Variants in MLIP observed in about 807,000 individuals in gnomAD.
The protein encoded by MLIP is muscular LMNA interacting protein, also known as muscular LMNA-interacting protein.
Under a neutral mutation model 84.8 loss-of-function variants are expected in MLIP, and 79 were observed. That is an observed-to-expected ratio of 0.93 (90% CI 0.78 to 1.12). MLIP has a LOEUF of 1.12. MLIP is among the 50% of genes most tolerant of loss of function. MLIP has a pLI of 0.00. For synonymous variants in MLIP, 504 were observed against 463.0 expected (o/e 1.09, Z -1.14); for missense variants, 1,257 against 1,160.6 (o/e 1.08, Z -1.21).
chr6:54,253,258 C>A (rs1481349278), intron 12 of MLIP, among the ~76,000 whole-genome samples: 1 of 152,100 alleles, frequency 6.6e-6, no homozygotes, highest in African/African-American at 2.4e-5. Flanking sequence ...GAAGGTTATG[C>A]TCTGTCTTAG....
At chr6:54,109,663 C>T (rs1416725136), upstream of MLIP, among the ~76,000 whole-genome samples, 1 of 152,088 alleles carries the variant, frequency 6.6e-6, no homozygotes, top group Non-Finnish European at 1.5e-5. Context: ...TTACTGCCCT[C>T]CAGGTGGCTG....
chr6:54,167,689 C>T (rs999679648), intron 8 of MLIP, among the ~76,000 whole-genome samples: 3 of 151,708 alleles, frequency 2.0e-5, no homozygotes, highest in Admixed American at 6.6e-5. Flanking sequence ...ATGATATTAC[C>T]TTTTATAGAA....
chr6:54,096,519 G>A (rs945795394), intron 1 of MLIP, among the ~76,000 whole-genome samples: 1 of 152,040 alleles, frequency 6.6e-6, no homozygotes, highest in African/African-American at 2.4e-5. Context: ...GTACCTTCTC[G>A]GGGAAGCCCA....
chr6:54,070,973 A>AT (rs747471782), intron 1 of MLIP, among the ~76,000 whole-genome samples: 13 of 152,274 alleles, frequency 8.5e-5, no homozygotes, highest in Non-Finnish European at 1.9e-4. Flanking sequence ...AAAACAAAAC[A>AT]TAATATATTT....
rs1778732354 is a variant in MLIP, at chr6:54,202,192, A to G, written c.2677A>G (p.Ser893Gly). 2 of 1,592,430 alleles carry G rather than the reference A, an allele frequency of 1.3e-6. No homozygotes were observed. Among genetic ancestry groups the G allele is most frequent in the Non-Finnish European group, 1.7e-6 (2 of 1,168,872 alleles). ...GGAAGTCTATGAACCCAACCCTTTC[A>G]GTAAATACTTGGAAGATAACAGCGA... ...EEEVYEPNPF[S>G]KYLEDNSDLF... The change falls in exon 11 of 14, where the codon AGT becomes GGT. Residue 893 changes from serine to glycine, a missense_variant. Transcript: ENST00000502396.
intron 1 of MLIP, among the ~76,000 whole-genome samples, chr6:54,034,774 G>T (rs114541201): frequency 6.6e-6 from 1 of 152,072 alleles, no homozygotes; most frequent in South Asian, 2.1e-4. Flanking sequence ...TAGCTTAAGT[G>T]CACAGTGTTT....
chr6:54,100,675 T>C (rs1288015600), intron 1 of MLIP, among the ~76,000 whole-genome samples: 1 of 152,156 alleles, frequency 6.6e-6, no homozygotes, highest in Non-Finnish European at 1.5e-5. Context: ...AGCACTGTCT[T>C]ATTTTCTCTG....
chr6:54,108,901 GAAT>G (rs575898895), upstream of MLIP, among the ~76,000 whole-genome samples: 444 of 152,058 alleles, frequency 2.9e-3, 2 homozygotes, highest in African/African-American at 0.01. Context: ...AATCCACCTG[GAAT>G]AAACTGATTG....
At chr6:54,038,283 A>G (rs1386168411) in intron 1 of MLIP, among the ~76,000 whole-genome samples, 1 of 151,972 alleles carries the variant, frequency 6.6e-6, no homozygotes, top group African/African-American at 2.4e-5. Context: ...GAGATTTTTA[A>G]GACTGGGAAA....
At chr6:54,071,464 T>C (rs904973044) in intron 1 of MLIP, among the ~76,000 whole-genome samples, 2 of 152,200 alleles carry the variant, frequency 1.3e-5, no homozygotes, top group Non-Finnish European at 2.9e-5. Flanking sequence ...TCTTGAGACA[T>C]ATGATAAATC....
intron 1 of MLIP, among the ~76,000 whole-genome samples, chr6:54,089,543 T>C (rs984077138): frequency 6.6e-6 from 1 of 152,132 alleles, no homozygotes; most frequent in African/African-American, 2.4e-5. Flanking sequence ...ATGGATGGCT[T>C]ATATGACATA....
intron 1 of MLIP, among the ~76,000 whole-genome samples, chr6:54,030,338 G>A (rs906672712): frequency 4.6e-5 from 7 of 152,090 alleles, no homozygotes; most frequent in African/African-American, 1.7e-4. Context: ...AAATTGTGAG[G>A]TACAAATAAT....
chr6:54,202,479 T>C (rs1778760240), intron 11 of MLIP, among the ~76,000 whole-genome samples: 1 of 151,502 alleles, frequency 6.6e-6, no homozygotes, highest in African/African-American at 2.4e-5. Flanking sequence ...TTTTTTTTTT[T>C]TCTAAAACTT....
At chr6:54,131,876 G>T (rs1055135899) in intron 3 of MLIP, among the ~76,000 whole-genome samples, 2 of 152,132 alleles carry the variant, frequency 1.3e-5, no homozygotes, top group African/African-American at 4.8e-5. Context: ...TGCAGATATG[G>T]GCTGGATTCA....
rs1048555310 is a variant in MLIP at position 54,214,136 on chromosome 6, T to C, written c.2718+11903T>C. Among the ~76,000 whole-genome samples the C allele has an allele frequency of 2.6e-5, 4 of 152,228 alleles. No homozygotes were observed. In the East Asian group the frequency reaches 7.7e-4, roughly 29 times the overall value. On this transcript the variant is annotated intron_variant, in intron 11 of 13. Coordinates refer to ENST00000502396, the MANE Select transcript of MLIP (RefSeq NM_001281747.2). Reference sequence around the variant, plus strand: ...ACCATTCTTTGAAATGGAACAACTCTTAGGCTCAGAGCATCTCTTGCAGTT... The same window carrying C: ...ACCATTCTTTGAAATGGAACAACTCCTAGGCTCAGAGCATCTCTTGCAGTT...
chr6:54,070,333 TC>T (rs778366143), intron 1 of MLIP, among the ~76,000 whole-genome samples: 10 of 151,926 alleles, frequency 6.6e-5, no homozygotes, highest in East Asian at 1.9e-4. Context: ...TTTCCCCACC[TC>T]CCCCCCATGT....
At chr6:54,257,248 A>T in intron 12 of MLIP, 60 bp from the exon 13 acceptor site, 4 of 1,197,976 alleles carry the variant, frequency 3.3e-6, no homozygotes, top group Middle Eastern at 1.9e-4. Context: ...ATGAAATTTT[A>T]ACATTTATTT....
intron 1 of MLIP, among the ~76,000 whole-genome samples, chr6:54,090,866 A>G (rs1767824670): frequency 6.6e-6 from 1 of 152,276 alleles, no homozygotes; most frequent in Admixed American, 6.5e-5. Flanking sequence ...AATGTAGGGG[A>G]CAAAGTGACT....
Position 54,136,781 on chromosome 6 carries a change from C to G in MLIP, c.712C>G (p.Pro238Ala), listed in dbSNP as rs1324318266. The change falls in exon 4 of 14, where the codon CCA becomes GCA. Residue 238 changes from proline to alanine, a missense_variant. Pro to Ala is a conservative substitution (Grantham distance 27). Transcript: ENST00000502396. ...ACCACCTGCTTTCTCCTTTGTTTCT[C>G]CAACTAATCCGAACACACCACCCGA... is the stretch of plus-strand genomic sequence containing the variant. ...CKPPAFSFVS[P>A]TNPNTPPDPV... is the part of the protein sequence containing the mutation. The G allele has an allele frequency of 3.9e-6, 6 of 1,521,476 alleles. No homozygotes were observed. The highest frequency in any genetic ancestry group is 5.3e-6 in the Non-Finnish European group (6 of 1,134,996). 94.2% of individuals were successfully genotyped at this position (1,521,476 alleles called of 1,614,324 possible). A position where few individuals can be genotyped will look rare whatever the true frequency, so the allele number is the denominator to read the frequency against.
Sources: allele counts gnomAD v4.1 joint callset (sites outside exome capture counted in the v4.1 genomes callset), GRCh38; gene constraint gnomAD v4.1.1; transcripts MANE v1.5; gene names NCBI Gene and HGNC (gene_info 2026-07-23, HGNC 2026-07-21).